Variants in CAPN3 observed in about 807,000 individuals in gnomAD.
CAPN3 encodes the protein calpain-3.
CAPN3 carries 88 observed loss-of-function variants against 114.0 expected under a neutral mutation model. The observed-to-expected ratio is 0.77, with a 90% CI of 0.65 to 0.92. The LOEUF (loss-of-function observed/expected upper bound fraction) is 0.92, where lower values mean the gene tolerates loss of function less well. Among genes scored for constraint, CAPN3 ranks in the 40% least tolerant of loss-of-function variants. CAPN3 has a pLI of 0.00. For synonymous variants in CAPN3, 386 were observed against 382.9 expected (o/e 1.01, Z -0.09); for missense variants, 1,028 against 1,069.0 (o/e 0.96, Z 0.53).
chr15:42,408,815 C>A, intron 16 of CAPN3: 1 of 288,300 alleles, frequency 3.5e-6, no homozygotes, highest in East Asian at 8.9e-5. Flanking sequence ...AATCCAGGGC[C>A]CCTCTTCTAT....
At chr15:42,380,745 ATATATATTTTTTT>A (rs1462153955) in intron 1 of CAPN3, among the ~76,000 whole-genome samples, 2 of 55,944 alleles carry the variant, frequency 3.6e-5, no homozygotes, top group African/African-American at 2.0e-4. Flanking sequence ...ATATATATAT[ATATATATTTTTTT>A]TTTTTTTTTT....
chr15:42,404,784 T>A, intron 14 of CAPN3: 1 of 1,102,712 alleles, frequency 9.1e-7, no homozygotes, highest in Non-Finnish European at 1.1e-6. Flanking sequence ...ATGGTCATAA[T>A]CCTGACCCTG....
chr15:42,402,869 A>C lies in CAPN3; in HGVS notation c.1612A>C (p.Ile538Leu). Reference sequence around the variant, plus strand: ...CTCCAAGGCCAGGAGCAAAACCTACATCAACATGCGGGAGGTGTCCCAGCG... The same window carrying C: ...CTCCAAGGCCAGGAGCAAAACCTACCTCAACATGCGGGAGGTGTCCCAGCG... ...NASKARSKTY[I>L]NMREVSQRFR... The change falls in exon 13 of 24, where the codon ATC (isoleucine) becomes CTC (leucine). Residue 538 changes from isoleucine (I) to leucine (L), a missense_variant. Transcript: ENST00000397163. 1 of 1,614,214 alleles carries C rather than the reference A, an allele frequency of 6.2e-7. No individual in the cohort carries two copies. Among genetic ancestry groups the C allele is most frequent in the Non-Finnish European group, 8.5e-7 (1 of 1,180,026 alleles).
At chr15:42,381,273 C>G (rs1402910967) in intron 1 of CAPN3, among the ~76,000 whole-genome samples, 1 of 152,112 alleles carries the variant, frequency 6.6e-6, no homozygotes, top group Non-Finnish European at 1.5e-5. Flanking sequence ...TTTTTCTTCT[C>G]CCTAAAGAAC....
intron 3 of CAPN3, among the ~76,000 whole-genome samples, chr15:42,387,526 G>T (rs1216529297): frequency 6.6e-6 from 1 of 152,204 alleles, no homozygotes; most frequent in Non-Finnish European, 1.5e-5. Context: ...CTCTGTGGAA[G>T]ACATGAAGTA....
Position 42,402,853 on chromosome 15 carries a change from C to T in CAPN3, c.1596C>T (p.Ala532=), listed in dbSNP as rs1321529101. The T allele has an allele frequency of 6.2e-7, 1 of 1,614,178 alleles. No individual in the cohort carries two copies. The highest frequency in any genetic ancestry group is 1.7e-5 in the Admixed American group (1 of 60,024). The change falls in exon 13 of 24, where the codon GCC becomes GCT. Residue 532 remains alanine, a synonymous_variant. Coordinates refer to ENST00000397163, the MANE Select transcript of CAPN3 (RefSeq NM_000070.3). ...KDFFLYNASK[A]RSKTYINMRE... ...TCTTCCTGTACAACGCCTCCAAGGC[C>T]AGGAGCAAAACCTACATCAACATGC...
At position 42,412,049 on chromosome 15, in the gene CAPN3, G is replaced by A. The variant is rs779196659; in HGVS notation, c.*276G>A. The A allele has an allele frequency of 9.5e-5, 145 of 1,522,954 alleles. No individual in the cohort carries two copies. The highest frequency in any genetic ancestry group is 9.8e-5 in the East Asian group (4 of 40,826). 94.3% of individuals were successfully genotyped at this position (1,522,954 alleles called of 1,614,324 possible). ...GCCTGCCTCTGGTCCGAGCCGCCTC[G>A]GTTCTGAAGCGAGTGCTCCTGCTTA... On this transcript the variant is annotated 3_prime_UTR_variant, in exon 24 of 24. Transcript: ENST00000397163.
chr15:42,410,040 C>T (rs79496127), intron 19 of CAPN3, 45 bp downstream of exon 19: 30 of 1,580,202 alleles, frequency 1.9e-5, no homozygotes, highest in Admixed American at 5.0e-5. Flanking sequence ...CATCAGCCCA[C>T]GGGGGCCAAG....
intron 1 of CAPN3, among the ~76,000 whole-genome samples, chr15:42,363,429 GT>G (rs2052698036): frequency 6.6e-6 from 1 of 152,174 alleles, no homozygotes; most frequent in Non-Finnish European, 1.5e-5. Context: ...GGGAGGGCAG[GT>G]CGTGTTTCAT....
chr15:42,367,754 CT>C (rs1175525656), intron 1 of CAPN3, among the ~76,000 whole-genome samples: 2 of 152,198 alleles, frequency 1.3e-5, no homozygotes, highest in Admixed American at 6.5e-5. Flanking sequence ...TATATTTTCT[CT>C]GGCTGTGACC....
At chr15:42,369,880 T>C (rs1365426384) in intron 1 of CAPN3, among the ~76,000 whole-genome samples, 1 of 150,956 alleles carries the variant, frequency 6.6e-6, no homozygotes, top group African/African-American at 2.4e-5. Context: ...CTTTTTTTTT[T>C]TTTTTTTTGA....
At position 42,394,296 on chromosome 15, in the gene CAPN3, G is replaced by A. The variant is rs988027905; in HGVS notation, c.1070G>A (p.Arg357Gln). The change falls in exon 8 of 24, where the codon CGG (arginine) becomes CAG (glutamine). Residue 357 changes from arginine to glutamine, a missense_variant. Coordinates refer to ENST00000397163, the MANE Select transcript of CAPN3 (RefSeq NM_000070.3). ...GAGAAAGTGAAGCTGGTGCGGCTGC[G>A]GAATCCGTGGGGCCAGGTGGAGTGG... The part of the protein sequence containing the change: ...KGEKVKLVRL[R>Q]NPWGQVEWNG... The A allele has an allele frequency of 3.8e-6, 6 of 1,563,278 alleles. No homozygotes were observed. The highest frequency in any genetic ancestry group is 2.4e-5 in the East Asian group (1 of 41,990).
chr15:42,387,940 A>G, intron 4 of CAPN3, 54 bp downstream of exon 4: 1 of 1,611,190 alleles, frequency 6.2e-7, no homozygotes, highest in Non-Finnish European at 8.5e-7. Flanking sequence ...AGTGGGTTGC[A>G]AAATCCAGCC....
At chr15:42,411,221 G>A (rs2054217037) in intron 22 of CAPN3, 66 bp from the exon 23 acceptor site, 9 of 1,352,302 alleles carry the variant, frequency 6.7e-6, no homozygotes, top group South Asian at 2.3e-5. Flanking sequence ...TCCTCTGAGG[G>A]GAAGTTACAG....
At chr15:42,409,883 G>GGGGGGGGGGGGGGGCCCCC in intron 18 of CAPN3, 39 bp downstream of exon 18, 1 of 559,666 alleles carries the variant, frequency 1.8e-6, no homozygotes, top group Non-Finnish European at 3.5e-6. Flanking sequence ...GGTGGGTGGG[G>GGGGGGGGGGGGGGGCCCCC]AGTCCCGTTG....
intron 4 of CAPN3, 103 bp downstream of exon 4, chr15:42,387,989 G>A (rs564029511): frequency 1.1e-5 from 15 of 1,369,660 alleles, no homozygotes; most frequent in South Asian, 5.9e-5. Context: ...GCCTCTATAC[G>A]TGCATATGTG....
chr15:42,407,442 C>A (rs895585934), intron 15 of CAPN3, among the ~76,000 whole-genome samples: 2 of 152,124 alleles, frequency 1.3e-5, no homozygotes, highest in African/African-American at 4.8e-5. Context: ...CATTTTCCTG[C>A]CTCAGCCTCC....
intron 1 of CAPN3, among the ~76,000 whole-genome samples, chr15:42,365,380 G>A (rs545210265): frequency 5.3e-5 from 8 of 152,200 alleles, no homozygotes; most frequent in South Asian, 2.1e-4. Flanking sequence ...TAGGAAATCC[G>A]TTCTCCCTTC....
At chr15:42,367,538 T>C (rs1398126266) in intron 1 of CAPN3, among the ~76,000 whole-genome samples, 1 of 152,234 alleles carries the variant, frequency 6.6e-6, no homozygotes, top group Non-Finnish European at 1.5e-5. Context: ...GTATAAAAGC[T>C]GCTATTTTTA....
Sources: gnomAD v4.1 joint callset for allele counts (sites outside exome capture counted in the v4.1 genomes callset) on GRCh38, gnomAD v4.1.1 for gene constraint, MANE v1.5 for transcripts, NCBI Gene and HGNC (gene_info 2026-07-23, HGNC 2026-07-21) for gene names.